The following FRMPD2 variants were observed in gnomAD, a reference collection of about 807,000 sequenced individuals.
FRMPD2 encodes FERM and PDZ domain-containing protein 2.
In FRMPD2, 96 loss-of-function variants were observed where a neutral mutation model predicts 140.1. The ratio of observed to expected loss-of-function variants is 0.69; its 90% CI spans 0.58 to 0.81. The LOEUF (loss-of-function observed/expected upper bound fraction) is 0.81, where lower values mean the gene tolerates loss of function less well. FRMPD2 is among the 40% of genes least tolerant of loss of function. FRMPD2 has a pLI of 0.00. For missense variants in FRMPD2, 1,240 were observed against 1,447.4 expected (o/e 0.86, Z 2.32); for synonymous variants, 449 against 547.6 (o/e 0.82, Z 2.52).
intron 1 of FRMPD2, among the ~76,000 whole-genome samples, chr10:48,273,252 A>G (rs895416215): frequency 3.3e-5 from 5 of 151,902 alleles, no homozygotes; most frequent in Non-Finnish European, 7.4e-5. Context: ...CCAATCCCAC[A>G]CCCATATTGC....
chr10:48,239,492 T>G (rs1459926118), intron 7 of FRMPD2, 113 bp downstream of exon 7: 2 of 689,612 alleles, frequency 2.9e-6, no homozygotes, highest in Non-Finnish European at 4.9e-6. Flanking sequence ...ATTGGCATTT[T>G]CTGGAGGAGC....
rs113219427 is a variant in FRMPD2 at position 48,245,243 on chromosome 10, A to C, written c.310-394T>G. Among the ~76,000 whole-genome samples, 99 of 152,224 alleles carry C rather than the reference A, an allele frequency of 6.5e-4. 1 individual carries two copies. Among genetic ancestry groups the C allele is most frequent in the Admixed American group, 9.2e-4 (14 of 15,284 alleles). On this transcript the variant is annotated intron_variant, in intron 3 of 28. Coordinates refer to ENST00000374201, the MANE Select transcript of FRMPD2 (RefSeq NM_001018071.4). ...CAATGAGGCAGCAAGCATAGGACAG[A>C]AAGCCAGCCACTGGGGAAGGTAGAA...
Position 48,206,766 on chromosome 10 carries a change from G to C in FRMPD2, c.1779C>G (p.Thr593=), listed in dbSNP as rs376421828. ...IAMLRFQWRE[T]GKISTYQKKF... The stretch of plus-strand genomic sequence containing the variant: ...CACTCACATAAGTAGAAATCTTCCC[G>C]GTTTCTCTCCACTGAAACCGTAACA... The change falls in exon 14 of 29, where the codon ACC becomes ACG. Residue 593 remains threonine (T), a synonymous_variant. Transcript: ENST00000374201. The C allele has an allele frequency of 6.2e-7, 1 of 1,613,808 alleles. No individual in the cohort carries two copies.
chr10:48,238,044 T>C lies in FRMPD2; in HGVS notation c.868A>G (p.Ser290Gly), dbSNP rs2131939239. 6.2e-7 allele frequency: 1 copy of C among 1,614,164 alleles called. No homozygotes were observed. Among genetic ancestry groups the C allele is most frequent in the Non-Finnish European group, 8.5e-7 (1 of 1,180,052 alleles). ...SSGSVHSAAD[S>G]SWPTTPSQRG... is the part of the protein sequence containing the mutation. The stretch of plus-strand genomic sequence containing the variant: ...TGAGAAGGAGTTGTTGGCCATGAGC[T>C]GTCTGCTGCCGAGTGCACAGATCCA... The change falls in exon 8 of 29, where the codon AGC (serine) becomes GGC (glycine). Residue 290 changes from serine (S) to glycine (G), a missense_variant. This residue lies in a region of FRMPD2 where 1,161 missense variants were observed against 1,055.9 expected (regional missense o/e 1.10). Coordinates refer to ENST00000374201, the MANE Select transcript of FRMPD2 (RefSeq NM_001018071.4).
At chr10:48,272,850 A>C (rs1298570472) in intron 1 of FRMPD2, among the ~76,000 whole-genome samples, 3 of 152,232 alleles carry the variant, frequency 2.0e-5, no homozygotes, top group Non-Finnish European at 4.4e-5. Context: ...GAGTGAAGTT[A>C]AGACAATCAT....
chr10:48,211,361 G>GGGCT (rs1839319729), intron 13 of FRMPD2, among the ~76,000 whole-genome samples: 1 of 152,372 alleles, frequency 6.6e-6, no homozygotes, highest in Non-Finnish European at 1.5e-5. Flanking sequence ...GCTGCCTGCA[G>GGGCT]GGCTGCAAAC....
intron 17 of FRMPD2, 75 bp downstream of exon 17, chr10:48,187,117 G>T: frequency 1.1e-6 from 1 of 882,360 alleles, no homozygotes; most frequent in Non-Finnish European, 1.8e-6. Flanking sequence ...AAAATAAGTG[G>T]TGGTAAAAGA....
chr10:48,266,920 C>T (rs370359929), intron 1 of FRMPD2, among the ~76,000 whole-genome samples: 3 of 152,180 alleles, frequency 2.0e-5, no homozygotes, highest in African/African-American at 7.2e-5. Flanking sequence ...TGTCCCCGAC[C>T]CTCCTAGCAA....
At chr10:48,264,448 T>C (rs1203484533) in intron 1 of FRMPD2, among the ~76,000 whole-genome samples, 2 of 152,092 alleles carry the variant, frequency 1.3e-5, no homozygotes, top group African/African-American at 4.8e-5. Flanking sequence ...AAAAGGCTAA[T>C]ACACAAAACT....
chr10:48,274,407 A>G lies in FRMPD2; in HGVS notation c.25+136T>C, dbSNP rs933634937. ...TGGCCTGGAACAAATAATACTCCAA[A>G]TAATACCACAAAGGGCACTGACACA... On this transcript the variant is annotated intron_variant, in intron 1 of 28. Transcript: ENST00000374201. 2.5e-5 allele frequency: 19 copies of G among 754,290 alleles called. 1 individual carries two copies. The Middle Eastern group carries it at 2.9e-3, about 114-fold the overall frequency. 46.7% of individuals were successfully genotyped at this position (754,290 alleles called of 1,614,324 possible). A position where few individuals can be genotyped will look rare whatever the true frequency, so the allele number is the denominator to read the frequency against.
intron 1 of FRMPD2, among the ~76,000 whole-genome samples, chr10:48,261,488 T>A (rs555447469): frequency 2.0e-5 from 3 of 152,176 alleles, no homozygotes; most frequent in African/African-American, 7.2e-5. Flanking sequence ...AGTAAAAAGA[T>A]CGTAGGACGT....
Position 48,244,794 on chromosome 10 carries a change from G to A in FRMPD2, c.365C>T (p.Pro122Leu), listed in dbSNP as rs181992804. Residue 122 changes from proline (P) to leucine (L), a missense_variant, in exon 4 of 29, where the codon CCG becomes CTG. Physicochemically the swap from Pro to Leu is moderately conservative, Grantham distance 98. Transcript: ENST00000374201. ...ATCTTGTTTACAAACCTGATGTGGC[G>A]GAACATGAAACCCTGCTGACCAGTA... ...TLYWSAGFHV[P>L]PHQPLQLCEP... 210 of 1,612,708 alleles carry A rather than the reference G, an allele frequency of 1.3e-4. No homozygotes were observed. Among genetic ancestry groups the A allele is most frequent in the Admixed American group, 2.5e-4 (15 of 59,984 alleles).
intron 17 of FRMPD2, among the ~76,000 whole-genome samples, chr10:48,186,948 C>A (rs1237772721): frequency 5.3e-5 from 8 of 152,114 alleles, no homozygotes; most frequent in Non-Finnish European, 2.9e-5. Flanking sequence ...AGCAGGTATT[C>A]TTCCTTCTGG....
At chr10:48,211,786 G>T in intron 13 of FRMPD2, among the ~76,000 whole-genome samples, 168 bp downstream of exon 13, 1 of 152,132 alleles carries the variant, frequency 6.6e-6, no homozygotes, top group East Asian at 1.9e-4. Context: ...AATGCCAGCT[G>T]CTTCCAGAAG....
At chr10:48,225,201 T>C (rs1839695527) in intron 10 of FRMPD2, among the ~76,000 whole-genome samples, 2 of 152,222 alleles carry the variant, frequency 1.3e-5, no homozygotes, top group Non-Finnish European at 2.9e-5. Flanking sequence ...TGTGGCAGCA[T>C]GGTATTTATA....
intron 3 of FRMPD2, among the ~76,000 whole-genome samples, chr10:48,247,930 A>T (rs1840289362): frequency 6.6e-6 from 1 of 152,164 alleles, no homozygotes. Context: ...AGTGACTTCC[A>T]GGATTTCAGG....
upstream of FRMPD2, chr10:48,274,710 C>G (rs1840824623): frequency 4.1e-6 from 3 of 731,676 alleles, no homozygotes; most frequent in South Asian, 5.0e-5. Flanking sequence ...TGTCACTAAG[C>G]ACTTGCTGCC....
At chr10:48,206,294 C>T (rs1417225295) in intron 14 of FRMPD2, among the ~76,000 whole-genome samples, 1 of 152,142 alleles carries the variant, frequency 6.6e-6, no homozygotes, top group Non-Finnish European at 1.5e-5. Context: ...CAGAGACAGA[C>T]CAGAGGCCTT....
intron 12 of FRMPD2, among the ~76,000 whole-genome samples, chr10:48,215,332 G>A (rs1191185376): frequency 1.3e-5 from 2 of 152,154 alleles, no homozygotes; most frequent in East Asian, 3.9e-4. Flanking sequence ...GACACAGAGA[G>A]GGGCTCTCCT....
Sources: gnomAD v4.1 joint callset for allele counts (sites outside exome capture counted in the v4.1 genomes callset) on GRCh38, gnomAD v4.1.1 for gene constraint, gnomAD v4.1.1 regional missense constraint, MANE v1.5 for transcripts, NCBI Gene and HGNC (gene_info 2026-07-23, HGNC 2026-07-21) for gene names.